Variants in TRDMT1 observed in about 807,000 individuals in gnomAD.
TRDMT1 encodes the protein tRNA (cytosine(38)-C(5))-methyltransferase.
A neutral mutation model predicts 51.2 loss-of-function variants in TRDMT1; 49 were observed. The ratio of observed to expected loss-of-function variants is 0.96; its 90% CI spans 0.76 to 1.21. The LOEUF is 1.21. Ranked by LOEUF, TRDMT1 falls within the 50% of genes most tolerant of loss-of-function variation. The pLI is 0.00. For missense variants in TRDMT1, 534 were observed against 462.3 expected (o/e 1.16, Z -1.42); for synonymous variants, 187 against 164.6 (o/e 1.14, Z -1.04).
chr10:17,175,365 G>A (rs1219348796), intron 1 of TRDMT1, among the ~76,000 whole-genome samples: 4 of 152,138 alleles, frequency 2.6e-5, no homozygotes, highest in African/African-American at 7.2e-5. Flanking sequence ...TTTTCAAAAT[G>A]TTTTCAGATC....
intron 1 of TRDMT1, among the ~76,000 whole-genome samples, chr10:17,182,884 C>G (rs898602518): frequency 6.6e-6 from 1 of 152,098 alleles, no homozygotes; most frequent in African/African-American, 2.4e-5. Flanking sequence ...ATAAAAGATG[C>G]CAAACTTCAC....
intron 2 of TRDMT1, chr10:17,169,377 C>G: frequency 7.9e-7 from 1 of 1,260,082 alleles, no homozygotes; most frequent in Non-Finnish European, 1.0e-6. Flanking sequence ...TCATATACAT[C>G]TGTTAATATA....
intron 3 of TRDMT1, among the ~76,000 whole-genome samples, chr10:17,167,538 A>G (rs1160484675): frequency 6.6e-6 from 1 of 152,186 alleles, no homozygotes; most frequent in Non-Finnish European, 1.5e-5. Flanking sequence ...AAATAATCCA[A>G]AATACTCTTA....
chr10:17,137,736 A>G lies in TRDMT1; in HGVS notation c.*11304T>C, dbSNP rs900602446. On this transcript the variant is annotated 3_prime_UTR_variant, in exon 11 of 11. Transcript: ENST00000377799. The stretch of plus-strand genomic sequence containing the variant: ...CCCAGCTACTCAGGAGGCGAGGCTG[A>G]GGCAGGAGAATCGCTTGAACCCAGG... Among the ~76,000 whole-genome samples the G allele has an allele frequency of 1.4e-4, 22 of 151,806 alleles. No individual in the cohort carries two copies. The highest frequency in any genetic ancestry group is 3.9e-4 in the Admixed American group (6 of 15,218).
At chr10:17,158,067 T>C (rs180832121) in intron 7 of TRDMT1, among the ~76,000 whole-genome samples, 167 of 152,286 alleles carry the variant, frequency 1.1e-3, no homozygotes, top group African/African-American at 3.8e-3. Context: ...ATACTGAATA[T>C]AGATAAATCA....
rs11254458 is a variant in TRDMT1 at position 17,201,639 on chromosome 10, G to C, written c.-5C>G. 36,390 of 1,541,192 alleles carry C rather than the reference G, an allele frequency of 0.024. 552 individuals carry two copies. Among genetic ancestry groups the C allele is most frequent in the East Asian group, 0.082 (3,314 of 40,216 alleles). On this transcript the variant is annotated 5_prime_UTR_variant, in exon 1 of 11. Transcript: ENST00000377799. Reference sequence around the variant, plus strand: ...CAGCACCCGCAGGGGCTCCATCCCCGCGCCTCAGCCGCCGCAGCCCCGGAG... The same window carrying C: ...CAGCACCCGCAGGGGCTCCATCCCCCCGCCTCAGCCGCCGCAGCCCCGGAG...
chr10:17,169,026 T>C, intron 2 of TRDMT1, 109 bp from the exon 3 acceptor site: 1 of 748,124 alleles, frequency 1.3e-6, no homozygotes, highest in Non-Finnish European at 2.1e-6. Flanking sequence ...AAACAGTTTA[T>C]AATACAATGC....
Position 17,159,132 on chromosome 10 carries a change from T to G in TRDMT1, c.543+14A>C. ...TAAGCCATAATATTCATAATAAAAT[T>G]CCAATAATAATACCTGACCAGGGGC... On this transcript the variant is annotated intron_variant, in intron 7 of 10. Transcript: ENST00000377799. 1 of 1,526,018 alleles carries G rather than the reference T, an allele frequency of 6.6e-7. No individual in the cohort carries two copies. Among genetic ancestry groups the G allele is most frequent in the Non-Finnish European group, 8.8e-7 (1 of 1,131,026 alleles). 94.5% of individuals were successfully genotyped at this position (1,526,018 alleles called of 1,614,324 possible).
At chr10:17,195,008 A>C (rs577516510) in intron 1 of TRDMT1, among the ~76,000 whole-genome samples, 71 of 151,842 alleles carry the variant, frequency 4.7e-4, no homozygotes, top group Non-Finnish European at 8.4e-4. Context: ...ACCCTTATGC[A>C]CTGTTGATGG....
chr10:17,149,187 T>A (rs1335462895), intron 10 of TRDMT1, 47 bp from the exon 11 acceptor site: 1 of 1,466,202 alleles, frequency 6.8e-7, no homozygotes, highest in Non-Finnish European at 9.5e-7. Context: ...TAATCACAAT[T>A]TCCAGAGATG....
intron 1 of TRDMT1, among the ~76,000 whole-genome samples, chr10:17,186,084 TAA>T (rs1405472631): frequency 6.7e-5 from 10 of 149,510 alleles, no homozygotes; most frequent in African/African-American, 2.5e-4. Flanking sequence ...AATAAATAAA[TAA>T]ATATGGTCAA....
At chr10:17,201,284 T>G in intron 1 of TRDMT1, 23 of 340,604 alleles carry the variant, frequency 6.8e-5, no homozygotes, top group East Asian at 1.4e-4. Context: ...TTGATACCCT[T>G]TGAGGTTGAT....
At position 17,168,618 on chromosome 10, in the gene TRDMT1, T is replaced by C. The variant is rs550298827; in HGVS notation, c.251+223A>G. ...AGTGAATAAGTCTCATGAGATCAGA[T>C]GGTTCTATAAAGGGCAGTTTCCCTG... On this transcript the variant is annotated intron_variant, in intron 3 of 10. Transcript: ENST00000377799. Among the ~76,000 whole-genome samples, 9 of 152,282 alleles carry C rather than the reference T, an allele frequency of 5.9e-5. No homozygotes were observed. The East Asian group carries it at 1.2e-3, about 20-fold the overall frequency.
chr10:17,185,645 T>G (rs1843787459), intron 1 of TRDMT1, among the ~76,000 whole-genome samples: 1 of 152,090 alleles, frequency 6.6e-6, no homozygotes, highest in Non-Finnish European at 1.5e-5. Flanking sequence ...TAGCAAAGAC[T>G]TGGAACCAAC....
In TRDMT1 at chr10:17,153,639, G is replaced by A. The variant is rs751307218; in HGVS notation, c.946-3C>T. On this transcript the variant is annotated splice_region_variant and splice_polypyrimidine_tract_variant and intron_variant, in intron 9 of 10. Transcript: ENST00000377799. The stretch of plus-strand genomic sequence containing the variant: ...AGGGATTTGTAGATATTCTCAACCT[G>A]TAAGAAAATACCCAAGATAACTAAA... 5.1e-6 allele frequency: 8 copies of A among 1,565,274 alleles called. No individual in the cohort carries two copies. In the East Asian group the frequency reaches 9.0e-5, roughly 18 times the overall value.
intron 3 of TRDMT1, among the ~76,000 whole-genome samples, chr10:17,164,666 CAA>C (rs1171311321): frequency 1.3e-5 from 2 of 152,180 alleles, no homozygotes; most frequent in African/African-American, 4.8e-5. Context: ...GCAACTTCAG[CAA>C]AGTCTCAGGA....
intron 1 of TRDMT1, among the ~76,000 whole-genome samples, chr10:17,187,981 CT>C (rs1223742647): frequency 6.7e-6 from 1 of 150,242 alleles, no homozygotes; most frequent in Admixed American, 6.7e-5. Flanking sequence ...TTTAAACATA[CT>C]TTATTTTTTA....
intron 1 of TRDMT1, among the ~76,000 whole-genome samples, chr10:17,187,373 A>G (rs2131586983): frequency 6.6e-6 from 1 of 152,338 alleles, no homozygotes; most frequent in African/African-American, 2.4e-5. Flanking sequence ...TTATATTGGC[A>G]TATTTATGGT....
At chr10:17,172,652 A>G (rs1014697862) in intron 2 of TRDMT1, among the ~76,000 whole-genome samples, 3 of 152,252 alleles carry the variant, frequency 2.0e-5, no homozygotes, top group Admixed American at 6.5e-5. Context: ...ATTATATCAC[A>G]TGCAAACTTT....
Sources: gnomAD v4.1 joint callset for allele counts (sites outside exome capture counted in the v4.1 genomes callset) on GRCh38, gnomAD v4.1.1 for gene constraint, MANE v1.5 for transcripts, NCBI Gene and HGNC (gene_info 2026-07-23, HGNC 2026-07-21) for gene names.